Variants in MUC5AC observed in about 807,000 individuals in gnomAD.
MUC5AC encodes mucin 5AC, oligomeric mucus/gel-forming.
A neutral mutation model predicts 169.7 loss-of-function variants in MUC5AC; 158 were observed. The ratio of observed to expected loss-of-function variants is 0.93; its 90% CI spans 0.82 to 1.06. The LOEUF (loss-of-function observed/expected upper bound fraction) is 1.06, where lower values mean the gene tolerates loss of function less well. MUC5AC is among the 50% of genes least tolerant of loss of function. The pLI is 0.00. For missense variants in MUC5AC, 4,359 were observed against 3,089.9 expected (o/e 1.41, Z -9.74); for synonymous variants, 1,975 against 1,237.0 (o/e 1.60, Z -12.52).
At position 1,175,204 on chromosome 11, in the gene MUC5AC, C is replaced by T. The variant is rs1278734431; in HGVS notation, c.2349-14C>T. The T allele has an allele frequency of 5.0e-6, 2 of 398,664 alleles. No homozygotes were observed. The highest frequency in any genetic ancestry group is 3.6e-5 in the East Asian group (1 of 28,084). The allele number at this position is 398,664 out of a possible 1,614,324, so 24.7% of individuals were successfully genotyped here. On this transcript the variant is annotated splice_polypyrimidine_tract_variant and intron_variant, in intron 18 of 48. Coordinates refer to ENST00000621226, the MANE Select transcript of MUC5AC (RefSeq NM_001304359.2). The stretch of plus-strand genomic sequence containing the variant: ...CTGGCCCAGGCTGAGGCTCTGACCA[C>T]CATCTCCTCACAGCACCTGCACACA...
At chr11:1,175,731 T>C (rs1860661268) in intron 19 of MUC5AC, among the ~76,000 whole-genome samples, 1 of 105,750 alleles carries the variant, frequency 9.5e-6, no homozygotes, top group Non-Finnish European at 1.9e-5. Context: ...CACCCACTCA[T>C]GCACACACAC....
chr11:1,168,874 A>G lies in MUC5AC; in HGVS notation c.1718A>G (p.Asn573Ser), dbSNP rs1478087587. 6.9e-6 allele frequency: 11 copies of G among 1,597,464 alleles called. No individual in the cohort carries two copies. The Admixed American group carries it at 1.9e-4, about 27-fold the overall frequency. The stretch of plus-strand genomic sequence containing the variant: ...AACCCGCCCCCAGGTCTCTGTGGGA[A>G]CTTCAACAGCATCCAGGCCGATGAC... ...LRGQTCGLCG[N>S]FNSIQADDFR... The change falls in exon 15 of 49, where the codon AAC becomes AGC. Residue 573 changes from asparagine to serine, a missense_variant. Transcript: ENST00000621226.
At position 1,177,493 on chromosome 11, in the gene MUC5AC, A is replaced by T; in HGVS notation, c.2947A>T (p.Ile983Phe). 1 of 398,782 alleles carries T rather than the reference A, an allele frequency of 2.5e-6. No individual in the cohort carries two copies. The highest frequency in any genetic ancestry group is 4.4e-6 in the Non-Finnish European group (1 of 226,172). The allele number at this position is 398,782 out of a possible 1,614,324, so 24.7% of individuals were successfully genotyped here. The change falls in exon 24 of 49, where the codon ATC becomes TTC. Residue 983 changes from isoleucine (I) to phenylalanine (F), a missense_variant. Physicochemically the swap from Ile to Phe is conservative, Grantham distance 21 (BLOSUM62 0). Transcript: ENST00000621226. ...LKLSHGKVEV[I>F]GTDESQEVPY... Reference sequence around the variant, plus strand: ...GCTAAGCCATGGGAAGGTGGAGGTGATCGGGACGGACGAGAGCCAGGAGGT... The same window carrying T: ...GCTAAGCCATGGGAAGGTGGAGGTGTTCGGGACGGACGAGAGCCAGGAGGT...
At chr11:1,195,484 A>C in intron 36 of MUC5AC, among the ~76,000 whole-genome samples, 3 of 151,476 alleles carry the variant, frequency 2.0e-5, no homozygotes, top group African/African-American at 2.4e-5. Flanking sequence ...GGTGCCGGGA[A>C]GGGGTGGTTG....
intron 36 of MUC5AC, 84 bp downstream of exon 36, chr11:1,195,363 T>C (rs1861243235): frequency 1.4e-6 from 1 of 717,312 alleles, no homozygotes; most frequent in African/African-American, 1.7e-5. Flanking sequence ...AAGAAGCGCA[T>C]TTTCAGGGGG....
At position 1,196,885 on chromosome 11, in the gene MUC5AC, G is replaced by T; in HGVS notation, c.15838G>T (p.Gly5280Trp). The T allele has an allele frequency of 1.3e-6, 1 of 763,420 alleles. No individual in the cohort carries two copies. The highest frequency in any genetic ancestry group is 2.4e-6 in the Non-Finnish European group (1 of 417,276). 47.3% of individuals were successfully genotyped at this position (763,420 alleles called of 1,614,324 possible). Residue 5280 changes from glycine to tryptophan, a missense_variant, in exon 40 of 49, where the codon GGG (glycine) becomes TGG (tryptophan). Transcript: ENST00000621226. ...GATCTCTCTCCTTCCAGGGTGTCTG[G>T]GGCCCCACGGAGAGCCGGTGAAGGT... Reference protein sequence around the residue: ...CVPTGCPRCLGPHGEPVKVGH... With the variant: ...CVPTGCPRCLWPHGEPVKVGH...
chr11:1,165,466 AG>A, intron 10 of MUC5AC, 47 bp downstream of exon 10: 2 of 1,596,152 alleles, frequency 1.3e-6, no homozygotes, highest in Non-Finnish European at 1.7e-6. Context: ...GCTATGGGAC[AG>A]ACCTGCTGGG....
In MUC5AC at chr11:1,174,485, C is replaced by G. The variant is rs1167826815; in HGVS notation, c.1966-11C>G. 2.0e-6 allele frequency: 3 copies of G among 1,516,532 alleles called. No individual in the cohort carries two copies. The African/African-American group carries it at 4.1e-5, about 21-fold the overall frequency. 93.9% of individuals were successfully genotyped at this position (1,516,532 alleles called of 1,614,324 possible). ...GGGTCTCTGATGCCCCGATGACCCC[C>G]TTCCCTGCAGAACTGCATGTTTGAC... On this transcript the variant is annotated splice_polypyrimidine_tract_variant and intron_variant, in intron 16 of 48. Coordinates refer to ENST00000621226, the MANE Select transcript of MUC5AC (RefSeq NM_001304359.2).
At chr11:1,168,440 G>T (rs777994888) in intron 12 of MUC5AC, 43 bp from the exon 13 acceptor site, 6 of 1,592,812 alleles carry the variant, frequency 3.8e-6, no homozygotes, top group Non-Finnish European at 5.1e-6. Flanking sequence ...CTGAGGTGCC[G>T]CAAGCCTGCC....
chr11:1,164,215 A>T lies in MUC5AC; in HGVS notation c.899A>T (p.Asp300Val). ...ACRQDLCFCEDTDLLSCVCHT... is the reference protein window; with the variant it reads ...ACRQDLCFCEVTDLLSCVCHT... ...AGGCAAGACCTCTGCTTCTGTGAAG[A>T]CACCGACCTGCTCAGCTGCGTCTGC... Residue 300 changes from aspartate to valine, a missense_variant, in exon 8 of 49, where the codon GAC becomes GTC. Coordinates refer to ENST00000621226, the MANE Select transcript of MUC5AC (RefSeq NM_001304359.2). 6.2e-7 allele frequency: 1 copy of T among 1,612,604 alleles called. No individual in the cohort carries two copies. Among genetic ancestry groups the T allele is most frequent in the Non-Finnish European group, 8.5e-7 (1 of 1,179,864 alleles).
intron 34 of MUC5AC, 52 bp from the exon 35 acceptor site, chr11:1,194,435 A>ACCGC (rs1861205540): frequency 2.8e-6 from 2 of 713,648 alleles, no homozygotes; most frequent in African/African-American, 1.7e-5. Flanking sequence ...GCAGCGGCTG[A>ACCGC]CCGCCCGCCC....
At position 1,196,029 on chromosome 11, in the gene MUC5AC, G is replaced by C. The variant is rs745782903; in HGVS notation, c.15612G>C (p.Trp5204Cys). 4 of 764,686 alleles carry C rather than the reference G, an allele frequency of 5.2e-6. No homozygotes were observed. The highest frequency in any genetic ancestry group is 5.1e-5 in the African/African-American group (3 of 59,136). 47.4% of individuals were successfully genotyped at this position (764,686 alleles called of 1,614,324 possible). A position where few individuals can be genotyped will look rare whatever the true frequency, so the allele number is the denominator to read the frequency against. Residue 5204 changes from tryptophan (W) to cysteine (C), a missense_variant, in exon 37 of 49, where the codon TGG (tryptophan) becomes TGC (cysteine). Physicochemically the swap from Trp to Cys is radical, Grantham distance 215 (BLOSUM62 -2). Coordinates refer to ENST00000621226, the MANE Select transcript of MUC5AC (RefSeq NM_001304359.2). Reference protein sequence around the residue: ...LCASHDICIDWRGRTGHMCPF... With the variant: ...LCASHDICIDCRGRTGHMCPF... ...CGTCCCACGACATCTGCATCGATTG[G>C]AGAGGCCGGACCGGCCACATGTGCC...
rs941147387 is a variant in MUC5AC, at chr11:1,176,677, G to T, written c.2654+12G>T. 5 of 398,576 alleles carry T rather than the reference G, an allele frequency of 1.3e-5. No individual in the cohort carries two copies. Among genetic ancestry groups the T allele is most frequent in the Middle Eastern group, 6.2e-4 (1 of 1,616 alleles). 24.7% of individuals were successfully genotyped at this position (398,576 alleles called of 1,614,324 possible). A position where few individuals can be genotyped will look rare whatever the true frequency, so the allele number is the denominator to read the frequency against. On this transcript the variant is annotated intron_variant, in intron 21 of 48. Transcript: ENST00000621226. Reference sequence around the variant, plus strand: ...GGCTGCAACACCTGGTATGCCGGGGGCTCAAAGCCCATGGGGGGTGTCAGG... The same window carrying T: ...GGCTGCAACACCTGGTATGCCGGGGTCTCAAAGCCCATGGGGGGTGTCAGG...
rs1413016217 is a variant in MUC5AC, at chr11:1,174,915, C to T, written c.2126C>T (p.Thr709Met). ...ATGACCACTTGCCCCAAGTCAATGA[C>T]GTACCACTACCATGTCAGCACCTGC... The part of the protein sequence containing the change: ...KPMTTCPKSM[T>M]YHYHVSTCQP... Residue 709 changes from threonine to methionine, a missense_variant, in exon 18 of 49, where the codon ACG becomes ATG. Thr to Met is a moderately conservative substitution (Grantham distance 81). Transcript: ENST00000621226. The T allele has an allele frequency of 3.6e-5, 15 of 412,442 alleles. No individual in the cohort carries two copies. Among genetic ancestry groups the T allele is most frequent in the South Asian group, 8.9e-5 (1 of 11,278 alleles). 25.5% of individuals were successfully genotyped at this position (412,442 alleles called of 1,614,324 possible). A position where few individuals can be genotyped will look rare whatever the true frequency, so the allele number is the denominator to read the frequency against.
intron 6 of MUC5AC, among the ~76,000 whole-genome samples, chr11:1,163,489 C>T (rs1860206611): frequency 6.6e-6 from 1 of 152,206 alleles, no homozygotes; most frequent in Admixed American, 6.5e-5. Flanking sequence ...CTGAGTCTGC[C>T]TGGGTGTCCA....
In MUC5AC at chr11:1,187,793, A is replaced by G; in HGVS notation, c.9648A>G (p.Gln3216=). Residue 3216 remains glutamine, a synonymous_variant, in exon 31 of 49, where the codon CAA becomes CAG. Transcript: ENST00000621226. The part of the protein sequence containing the change: ...HVSISKTTHS[Q]PVTRDCHLRC... Reference sequence around the variant, plus strand: ...CCATATCCAAGACAACCCACTCCCAACCAGTCACCAGAGACTGTCATCTCC... The same window carrying G: ...CCATATCCAAGACAACCCACTCCCAGCCAGTCACCAGAGACTGTCATCTCC... 1 of 765,018 alleles carries G rather than the reference A, an allele frequency of 1.3e-6. No homozygotes were observed. The highest frequency in any genetic ancestry group is 1.3e-5 in the South Asian group (1 of 74,604). 47.4% of individuals were successfully genotyped at this position (765,018 alleles called of 1,614,324 possible).
At chr11:1,175,928 C>G (rs1280812978) in intron 19 of MUC5AC, among the ~76,000 whole-genome samples, 2 of 142,886 alleles carry the variant, frequency 1.4e-5, no homozygotes, top group African/African-American at 5.2e-5. Flanking sequence ...CTCATGCACA[C>G]ACACTCATAC....
At chr11:1,175,830 T>G (rs1860666984) in intron 19 of MUC5AC, among the ~76,000 whole-genome samples, 1 of 70,816 alleles carries the variant, frequency 1.4e-5, no homozygotes, top group Non-Finnish European at 2.5e-5. Flanking sequence ...CACCCACTCA[T>G]GCACACGCAC....
chr11:1,168,843 C>A lies in MUC5AC; in HGVS notation c.1706-19C>A. 1 of 1,580,736 alleles carries A rather than the reference C, an allele frequency of 6.3e-7. No homozygotes were observed. The highest frequency in any genetic ancestry group is 8.6e-7 in the Non-Finnish European group (1 of 1,160,718). ...CTGGCCAGGGCGCATGGTCCTCAAC[C>A]TGCCTAACCCGCCCCCAGGTCTCTG... is the stretch of plus-strand genomic sequence containing the variant. On this transcript the variant is annotated intron_variant, in intron 14 of 48. Transcript: ENST00000621226.
Sources: allele counts gnomAD v4.1 joint callset (sites outside exome capture counted in the v4.1 genomes callset), GRCh38; gene constraint gnomAD v4.1.1; transcripts MANE v1.5; gene names NCBI Gene and HGNC (gene_info 2026-07-23, HGNC 2026-07-21).